Variants in LEMD1 observed in about 807,000 individuals in gnomAD.
LEMD1 encodes the protein LEM domain containing 1.
Under a neutral mutation model 17.4 loss-of-function variants are expected in LEMD1, and 18 were observed. That is an observed-to-expected ratio of 1.04 (90% confidence interval 0.72 to 1.54). The LOEUF is 1.54. Among genes scored for constraint, LEMD1 ranks in the 40% most tolerant of loss-of-function variants. The pLI, the probability that LEMD1 is intolerant of heterozygous loss-of-function variation, is 0.00. For synonymous variants in LEMD1, 88 were observed against 77.8 expected (o/e 1.13, Z -0.69); for missense variants, 195 against 210.4 (o/e 0.93, Z 0.45).
chr1:205,394,129 A>G (rs767027059), intron 4 of LEMD1, among the ~76,000 whole-genome samples: 1 of 128,326 alleles, frequency 7.8e-6, no homozygotes, highest in Non-Finnish European at 1.5e-5. Flanking sequence ...ACATTGAATG[A>G]TTCCATTTAT....
upstream of LEMD1, among the ~76,000 whole-genome samples, chr1:205,426,937 T>C (rs1439031906): frequency 1.3e-5 from 2 of 151,936 alleles, no homozygotes; most frequent in African/African-American, 2.4e-5. Flanking sequence ...CTCTGTGAAA[T>C]GATAATGAAC....
chr1:205,397,760 C>T (rs1664659231), intron 4 of LEMD1, among the ~76,000 whole-genome samples: 1 of 152,094 alleles, frequency 6.6e-6, no homozygotes, highest in African/African-American at 2.4e-5. Flanking sequence ...GACATAGATC[C>T]CTACTCACAA....
At chr1:205,387,022 G>T (rs971902869) in intron 4 of LEMD1, 1 of 152,038 alleles carries the variant, frequency 6.6e-6, no homozygotes, top group South Asian at 2.1e-4. Flanking sequence ...AAATAGATAC[G>T]TGAAATAAAG....
At chr1:205,421,141 G>C (rs1665943593) in intron 1 of LEMD1, among the ~76,000 whole-genome samples, 1 of 151,812 alleles carries the variant, frequency 6.6e-6, no homozygotes, top group East Asian at 1.9e-4. Flanking sequence ...TGCTGAATTG[G>C]CATTTGAAAA....
intron 1 of LEMD1, among the ~76,000 whole-genome samples, chr1:205,429,048 C>G (rs1666093064): frequency 6.6e-6 from 1 of 152,188 alleles, no homozygotes; most frequent in African/African-American, 2.4e-5. Flanking sequence ...ACCGCCAGCC[C>G]CAGTCAAGTA....
At chr1:205,423,681 A>C (rs945959168), upstream of LEMD1, among the ~76,000 whole-genome samples, 1 of 152,212 alleles carries the variant, frequency 6.6e-6, no homozygotes, top group Non-Finnish European at 1.5e-5. Flanking sequence ...TATTCCATTT[A>C]TGAATTCCTG....
chr1:205,413,935 G>T (rs1665574647), intron 4 of LEMD1, among the ~76,000 whole-genome samples: 1 of 152,068 alleles, frequency 6.6e-6, no homozygotes, highest in South Asian at 2.1e-4. Context: ...TCACAGAAGT[G>T]GCCATTGAGA....
intron 1 of LEMD1, among the ~76,000 whole-genome samples, chr1:205,430,785 C>T (rs1397611143): frequency 6.6e-6 from 1 of 152,256 alleles, no homozygotes; most frequent in Non-Finnish European, 1.5e-5. Flanking sequence ...GCTCCAGCCG[C>T]CCTCCCTCCG....
chr1:205,427,885 A>G (rs1405830318), intron 1 of LEMD1, among the ~76,000 whole-genome samples: 13 of 152,242 alleles, frequency 8.5e-5, no homozygotes, highest in Admixed American at 8.5e-4. Context: ...GAAAAACTCT[A>G]GTCAATTCCA....
chr1:205,391,734 C>A (rs1664348230), intron 4 of LEMD1, among the ~76,000 whole-genome samples: 2 of 152,162 alleles, frequency 1.3e-5, no homozygotes, highest in African/African-American at 4.8e-5. Context: ...ACTTTTACCT[C>A]CACCTGGCAG....
intron 4 of LEMD1, among the ~76,000 whole-genome samples, chr1:205,398,703 TAGA>T (rs1220278064): frequency 1.8e-4 from 28 of 151,784 alleles, no homozygotes; most frequent in Admixed American, 1.8e-3. Context: ...TGCCTGGTAG[TAGA>T]AGAATTAGAG....
intron 1 of LEMD1, among the ~76,000 whole-genome samples, chr1:205,432,165 G>A (rs1558740669): frequency 6.6e-6 from 1 of 152,212 alleles, no homozygotes; most frequent in Non-Finnish European, 1.5e-5. Flanking sequence ...AGCAGGAGAA[G>A]AGTTAGAGAA....
At chr1:205,383,045 A>G (rs940886122) in intron 5 of LEMD1, among the ~76,000 whole-genome samples, 2 of 152,188 alleles carry the variant, frequency 1.3e-5, no homozygotes, top group Admixed American at 6.5e-5. Flanking sequence ...TTAAAAATTG[A>G]TACATAATAG....
At chr1:205,391,236 A>G (rs912194433) in intron 4 of LEMD1, among the ~76,000 whole-genome samples, 8 of 152,158 alleles carry the variant, frequency 5.3e-5, no homozygotes, top group Non-Finnish European at 4.4e-5. Flanking sequence ...TCTGCTAAGT[A>G]CAGCCAATCC....
At chr1:205,430,112 G>A (rs1459683507) in intron 1 of LEMD1, among the ~76,000 whole-genome samples, 1 of 152,246 alleles carries the variant, frequency 6.6e-6, no homozygotes, top group Non-Finnish European at 1.5e-5. Context: ...GAGAGAGCAA[G>A]AAAGAAGCAT....
chr1:205,387,021 C>T (rs181726429), intron 4 of LEMD1: 5 of 152,218 alleles, frequency 3.3e-5, no homozygotes, highest in African/African-American at 7.2e-5. Flanking sequence ...AAAATAGATA[C>T]GTGAAATAAA....
chr1:205,385,487 G>A (rs929283013), intron 4 of LEMD1: 3 of 152,334 alleles, frequency 2.0e-5, no homozygotes, highest in Non-Finnish European at 4.4e-5. Context: ...ACAGGTGTGA[G>A]CCACTGTGTC....
At chr1:205,396,779 A>T (rs1014183283) in intron 4 of LEMD1, among the ~76,000 whole-genome samples, 2 of 152,202 alleles carry the variant, frequency 1.3e-5, no homozygotes, top group African/African-American at 4.8e-5. Flanking sequence ...GGAAAGAAGG[A>T]TAAGTAGAAA....
intron 1 of LEMD1, among the ~76,000 whole-genome samples, chr1:205,428,707 A>G (rs762094515): frequency 6.6e-6 from 1 of 152,194 alleles, no homozygotes; most frequent in Non-Finnish European, 1.5e-5. Context: ...CTGGCAAAGC[A>G]TGAGAGAGAG....
Sources: gnomAD v4.1 joint callset for allele counts (sites outside exome capture counted in the v4.1 genomes callset) on GRCh38, gnomAD v4.1.1 for gene constraint, MANE v1.5 for transcripts, NCBI Gene and HGNC (gene_info 2026-07-23, HGNC 2026-07-21) for gene names.